The following CFAP57 variants were observed in gnomAD, a reference collection of about 807,000 sequenced individuals.
CFAP57 encodes cilia and flagella associated protein 57, also known as cilia- and flagella-associated protein 57.
CFAP57 carries 116 observed loss-of-function variants against 146.8 expected under a neutral mutation model. The observed-to-expected ratio is 0.79, with a 90% CI of 0.68 to 0.92. CFAP57 has a LOEUF of 0.92. Among genes scored for constraint, CFAP57 ranks in the 40% least tolerant of loss-of-function variants. The probability of loss-of-function intolerance (pLI) is 0.00; values close to 1 mark genes in which losing one functional copy is unlikely to be tolerated. For synonymous variants in CFAP57, 518 were observed against 552.8 expected, an observed-to-expected ratio of 0.94 and a Z score of 0.88; for missense variants, 1,377 against 1,527.2, an observed-to-expected ratio of 0.90 and a Z score of 1.64.
intron 18 of CFAP57, among the ~76,000 whole-genome samples, chr1:43,230,474 T>G (rs1009202978): frequency 6.6e-6 from 1 of 152,174 alleles, no homozygotes; most frequent in Non-Finnish European, 1.5e-5. Flanking sequence ...AAGGCAAACT[T>G]CTCACCATTT....
intron 9 of CFAP57, among the ~76,000 whole-genome samples, chr1:43,203,961 C>T (rs1467724888): frequency 6.6e-6 from 1 of 152,190 alleles, no homozygotes; most frequent in African/African-American, 2.4e-5. Flanking sequence ...GCTCTCATTA[C>T]AGTACCATAC....
chr1:43,206,893 T>C lies in CFAP57; in HGVS notation c.1716T>C (p.Val572=). ...CCGATGCCAAAATTATCTTTGCTGTTGGATCAGACCACACCCTCAAGGAGA... is the reference window on the plus strand; with the variant it reads ...CCGATGCCAAAATTATCTTTGCTGTCGGATCAGACCACACCCTCAAGGAGA... ...VSPDAKIIFA[V]GSDHTLKEIA... Residue 572 remains valine (V), a synonymous_variant, in exon 10 of 23, where the codon GTT becomes GTC. Coordinates refer to ENST00000372492, the MANE Select transcript of CFAP57 (RefSeq NM_001378189.1). The C allele has an allele frequency of 6.2e-7, 1 of 1,614,160 alleles. No individual in the cohort carries two copies. The highest frequency in any genetic ancestry group is 1.1e-5 in the South Asian group (1 of 91,080).
At position 43,220,505 on chromosome 1, in the gene CFAP57, G is replaced by A. The variant is rs144084753; in HGVS notation, c.2248-867G>A. 2.6e-3 allele frequency among the ~76,000 whole-genome samples: 397 copies of A among 152,276 alleles called. 1 individual carries two copies. The highest frequency in any genetic ancestry group is 9.2e-3 in the African/African-American group (383 of 41,556). Reference sequence around the variant, plus strand: ...TTTGGAAGGCCTAGGCAGGAGGATCGCTTGTATCCGAGAGCTTGAGACCAG... The same window carrying A: ...TTTGGAAGGCCTAGGCAGGAGGATCACTTGTATCCGAGAGCTTGAGACCAG... On this transcript the variant is annotated intron_variant, in intron 13 of 22. Transcript: ENST00000372492.
chr1:43,216,136 G>A (rs1313747594), intron 12 of CFAP57, among the ~76,000 whole-genome samples: 2 of 152,228 alleles, frequency 1.3e-5, no homozygotes, highest in African/African-American at 2.4e-5. Context: ...AGTCATTGCT[G>A]TTTGTCCAGA....
At chr1:43,196,270 T>C (rs1450746705) in intron 6 of CFAP57, 4 of 152,326 alleles carry the variant, frequency 2.6e-5, no homozygotes, top group Non-Finnish European at 5.9e-5. Flanking sequence ...ACAAGAGAGA[T>C]TTGAGTGTGT....
intron 12 of CFAP57, among the ~76,000 whole-genome samples, chr1:43,217,764 T>A (rs1644890735): frequency 6.6e-6 from 1 of 152,154 alleles, no homozygotes; most frequent in Non-Finnish European, 1.5e-5. Context: ...CCTTCCTTAA[T>A]CTAGTCCGTG....
chr1:43,195,909 T>C (rs533987012), intron 6 of CFAP57, among the ~76,000 whole-genome samples: 6 of 152,200 alleles, frequency 3.9e-5, no homozygotes, highest in Non-Finnish European at 8.8e-5. Context: ...ATTTGTCTTA[T>C]ATGAATTTAT....
intron 6 of CFAP57, among the ~76,000 whole-genome samples, chr1:43,188,166 C>T (rs1183161679): frequency 3.3e-5 from 5 of 152,042 alleles, no homozygotes; most frequent in Admixed American, 3.3e-4. Context: ...TTTTTTATGG[C>T]CAAATAATAT....
rs1645075139 is a variant in CFAP57, at chr1:43,222,258, A to C, written c.2495A>C (p.Glu832Ala). Residue 832 changes from glutamate to alanine, a missense_variant, in exon 15 of 23, where the codon GAG (glutamate) becomes GCG (alanine). Coordinates refer to ENST00000372492, the MANE Select transcript of CFAP57 (RefSeq NM_001378189.1). ...QALEELTEFY[E>A]AKLQEKTTLL... ...CTGGAGGAGCTGACTGAGTTTTACG[A>C]GGCAAAACTGCAGGAGAAAACCACC... 6.8e-7 allele frequency: 1 copy of C among 1,475,894 alleles called. No individual in the cohort carries two copies. Among genetic ancestry groups the C allele is most frequent in the East Asian group, 2.6e-5 (1 of 38,842 alleles). The allele number at this position is 1,475,894 out of a possible 1,614,324, so 91.4% of individuals were successfully genotyped here. A position where few individuals can be genotyped will look rare whatever the true frequency, so the allele number is the denominator to read the frequency against.
At position 43,197,677 on chromosome 1, in the gene CFAP57, GGAATTAT is replaced by G. The variant is rs780636499; in HGVS notation, c.1251_1257del (p.Asn417LysfsTer28). On this transcript the variant is annotated frameshift_variant, in exon 7 of 23. Transcript: ENST00000372492. LOFTEE classifies it high-confidence loss of function. ...TCTCTGGATCGATCCATCCGCCTTT[GGAATTAT>G]GAAACAAAGTAAGGAATGAAAGGCT... 1 of 1,614,036 alleles carries G rather than the reference GGAATTAT, an allele frequency of 6.2e-7. No individual in the cohort carries two copies. Among genetic ancestry groups the G allele is most frequent in the Non-Finnish European group, 8.5e-7 (1 of 1,180,020 alleles).
chr1:43,245,235 T>TTG, intron 22 of CFAP57, among the ~76,000 whole-genome samples: 1 of 151,894 alleles, frequency 6.6e-6, no homozygotes, highest in East Asian at 1.9e-4. Flanking sequence ...TAGAGTAAAA[T>TTG]TGATCACCTG....
rs900310762 is a variant in CFAP57, at chr1:43,182,002, C to T, written c.474+152C>T. On this transcript the variant is annotated intron_variant, in intron 3 of 22. Transcript: ENST00000372492. ...TATAAGGTATGCACAATCATTATCC[C>T]CATTTTACAGATGAGAGAACTGAGG... 12 of 912,552 alleles carry T rather than the reference C, an allele frequency of 1.3e-5. 1 individual carries two copies. Among genetic ancestry groups the T allele is most frequent in the South Asian group, 9.3e-5 (6 of 64,732 alleles). The allele number at this position is 912,552 out of a possible 1,614,324, so 56.5% of individuals were successfully genotyped here.
chr1:43,191,159 TTGTC>T (rs1643494778), intron 6 of CFAP57, among the ~76,000 whole-genome samples: 1 of 152,254 alleles, frequency 6.6e-6, no homozygotes, highest in South Asian at 2.1e-4. Flanking sequence ...TCTATTTAGA[TTGTC>T]TATTTCTTCT....
At chr1:43,219,751 C>T (rs1026978011) in intron 13 of CFAP57, 5 of 470,502 alleles carry the variant, frequency 1.1e-5, no homozygotes, top group African/African-American at 1.0e-4. Context: ...CCAAGGCGGG[C>T]AGACCACTTG....
Position 43,243,609 on chromosome 1 carries a change from T to G in CFAP57, c.3538+250T>G, listed in dbSNP as rs559815175. Among the ~76,000 whole-genome samples the G allele has an allele frequency of 1.6e-4, 25 of 152,318 alleles. No individual in the cohort carries two copies. In the South Asian group the frequency reaches 4.8e-3, roughly 29 times the overall value. On this transcript the variant is annotated intron_variant, in intron 22 of 22. Coordinates refer to ENST00000372492, the MANE Select transcript of CFAP57 (RefSeq NM_001378189.1). ...GCTACCGTTCAGAATGCAGACTCTT[T>G]TAGATTTTAGAAAGCGAATACTTTA...
intron 18 of CFAP57, among the ~76,000 whole-genome samples, chr1:43,230,208 T>C (rs571061220): frequency 3.5e-4 from 53 of 152,312 alleles, no homozygotes; most frequent in African/African-American, 1.2e-3. Flanking sequence ...GCCTGAGATT[T>C]AGAGAATGAG....
intron 9 of CFAP57, among the ~76,000 whole-genome samples, chr1:43,204,365 TTC>T (rs1644262420): frequency 2.0e-5 from 3 of 151,930 alleles, no homozygotes; most frequent in African/African-American, 7.3e-5. Context: ...CCTGAATGCT[TTC>T]TTTCTTTCTT....
chr1:43,238,451 G>A lies in CFAP57; in HGVS notation c.3405+3813G>A, dbSNP rs905655987. On this transcript the variant is annotated intron_variant, in intron 21 of 22. Transcript: ENST00000372492. This position sits in a 1 kb window ranked among gnomAD's most constrained non-coding sequence, Gnocchi z 4.3. Reference sequence around the variant, plus strand: ...TTTCACATCCCCCAAGACTTGGCACGTTGGTGGACCCCAGGTCAGATTTCC... The same window carrying A: ...TTTCACATCCCCCAAGACTTGGCACATTGGTGGACCCCAGGTCAGATTTCC... Among the ~76,000 whole-genome samples the A allele has an allele frequency of 9.2e-5, 14 of 152,170 alleles. No individual in the cohort carries two copies. The highest frequency in any genetic ancestry group is 2.4e-5 in the African/African-American group (1 of 41,428).
At chr1:43,220,083 C>A (rs1163556526) in intron 13 of CFAP57, among the ~76,000 whole-genome samples, 1 of 152,084 alleles carries the variant, frequency 6.6e-6, no homozygotes, top group Non-Finnish European at 1.5e-5. Context: ...ATTAATTAAT[C>A]TGATCTATAG....
Sources: allele counts gnomAD v4.1 joint callset (sites outside exome capture counted in the v4.1 genomes callset), GRCh38; gene constraint gnomAD v4.1.1; non-coding constraint Gnocchi (gnomAD v3.1); transcripts MANE v1.5; gene names NCBI Gene and HGNC (gene_info 2026-07-23, HGNC 2026-07-21).